The following SAFB2 variants were observed in gnomAD, a reference collection of about 807,000 sequenced individuals.
SAFB2 encodes the protein scaffold attachment factor B2.
In SAFB2, 32 loss-of-function variants were observed where a neutral mutation model predicts 100.6. That is an observed-to-expected ratio of 0.32 (90% confidence interval 0.24 to 0.43). The LOEUF (loss-of-function observed/expected upper bound fraction) is 0.43. Among genes scored for constraint, SAFB2 ranks in the 20% least tolerant of loss-of-function variants. The probability of loss-of-function intolerance (pLI) is 1.00; values close to 1 mark genes in which losing one functional copy is unlikely to be tolerated. For synonymous variants in SAFB2, 500 were observed against 439.4 expected, an observed-to-expected ratio of 1.14 and a Z score of -1.72; for missense variants, 1,185 against 1,163.4, an observed-to-expected ratio of 1.02 and a Z score of -0.27.
At position 5,587,101 on chromosome 19, in the gene SAFB2, A is replaced by G. The variant is rs1170322044; in HGVS notation, c.*142T>C. On this transcript the variant is annotated 3_prime_UTR_variant, in exon 21 of 21. Transcript: ENST00000252542. The surrounding 1 kb of genome is among the most constrained non-coding windows in gnomAD (Gnocchi z 4.9). The stretch of plus-strand genomic sequence containing the variant: ...AACACATTTATTTAAAAAAAAAAAA[A>G]AAGTGAGTTCACATTGTATTGAGCT... 1.2e-5 allele frequency: 14 copies of G among 1,123,736 alleles called. No homozygotes were observed. The Admixed American group carries it at 3.3e-4, about 27-fold the overall frequency. 69.6% of individuals were successfully genotyped at this position (1,123,736 alleles called of 1,614,324 possible).
chr19:5,614,636 C>CAA (rs1466931945), intron 4 of SAFB2, among the ~76,000 whole-genome samples: 1 of 152,190 alleles, frequency 6.6e-6, no homozygotes, highest in African/African-American at 2.4e-5. Context: ...CTGAAAGCTG[C>CAA]AATGCCTTAA....
intron 13 of SAFB2, among the ~76,000 whole-genome samples, chr19:5,596,796 G>A (rs996498724): frequency 6.6e-6 from 1 of 152,128 alleles, no homozygotes; most frequent in Non-Finnish European, 1.5e-5. Context: ...GCCTCCTGCT[G>A]ATCCACACAG....
chr19:5,605,293 T>TG (rs2052751550), intron 9 of SAFB2, among the ~76,000 whole-genome samples: 1 of 151,970 alleles, frequency 6.6e-6, no homozygotes, highest in Admixed American at 6.6e-5. Context: ...TTAGTAGAGA[T>TG]GGGGTTTCTC....
At chr19:5,600,475 G>A (rs2052632235) in intron 11 of SAFB2, among the ~76,000 whole-genome samples, 1 of 152,184 alleles carries the variant, frequency 6.6e-6, no homozygotes, top group Non-Finnish European at 1.5e-5. Context: ...GCTGAATTGA[G>A]GGATATGCAC....
At chr19:5,612,221 T>G (rs2052923339) in intron 6 of SAFB2, 1 of 418,022 alleles carries the variant, frequency 2.4e-6, no homozygotes, top group Non-Finnish European at 4.3e-6. Flanking sequence ...TGCAGCAAAA[T>G]ATCACAAGAT....
At chr19:5,602,905 A>ACCCCCCCCCCCCCCCCC (rs1157478969) in intron 11 of SAFB2, among the ~76,000 whole-genome samples, 1 of 140,056 alleles carries the variant, frequency 7.1e-6, no homozygotes, top group Non-Finnish European at 1.6e-5. Context: ...TAGAGGGCTC[A>ACCCCCCCCCCCCCCCCC]CCGCCCCCCC....
intron 9 of SAFB2, among the ~76,000 whole-genome samples, chr19:5,608,177 G>A (rs2052818143): frequency 6.6e-6 from 1 of 152,182 alleles, no homozygotes; most frequent in Non-Finnish European, 1.5e-5. Flanking sequence ...CCACAGGTAA[G>A]GCCAACTCTG....
chr19:5,587,798 C>T lies in SAFB2; in HGVS notation c.2639-31G>A, dbSNP rs201982406. On this transcript the variant is annotated intron_variant, in intron 19 of 20. Transcript: ENST00000252542. The surrounding 1 kb of genome is among the most constrained non-coding windows in gnomAD (Gnocchi z 4.9). ...AGAGAAGAAGGGTCTGCAAACACTC[C>T]GTTCCTGGGGAAGCCCCTGGACACA... The T allele has an allele frequency of 2.4e-5, 38 of 1,556,590 alleles. 1 individual carries two copies. Among genetic ancestry groups the T allele is most frequent in the South Asian group, 1.3e-4 (11 of 84,764 alleles).
chr19:5,600,287 T>G (rs1164503110), intron 11 of SAFB2, 27 bp from the exon 12 acceptor site: 5 of 1,609,562 alleles, frequency 3.1e-6, no homozygotes, highest in Non-Finnish European at 3.4e-6. Context: ...TTATCAAATT[T>G]GAGTTCACAA....
Position 5,602,479 on chromosome 19 carries a change from CAAAAAAA to C in SAFB2, c.1559+2097_1559+2103del, listed in dbSNP as rs35472223. ...TGGGTGACAGAGCGAGACTCTGTCTCAAAAAAAAAAAAAAAAAAAAAAAAAAATCTTA... is the reference window on the plus strand; with the variant it reads ...TGGGTGACAGAGCGAGACTCTGTCTCAAAAAAAAAAAAAAAAAAAATCTTA... On this transcript the variant is annotated intron_variant, in intron 11 of 20. Coordinates refer to ENST00000252542, the MANE Select transcript of SAFB2 (RefSeq NM_014649.3). Among the ~76,000 whole-genome samples, 97 of 39,526 alleles carry C rather than the reference CAAAAAAA, an allele frequency of 2.5e-3. 1 individual carries two copies. The highest frequency in any genetic ancestry group is 7.0e-3 in the African/African-American group (63 of 8,946). 25.9% of individuals were successfully genotyped at this position (39,526 alleles called of 152,430 possible). A position where few individuals can be genotyped will look rare whatever the true frequency, so the allele number is the denominator to read the frequency against.
In SAFB2 at chr19:5,587,174, T is replaced by C. The variant is rs1351856396; in HGVS notation, c.*69A>G. On this transcript the variant is annotated 3_prime_UTR_variant, in exon 21 of 21. Coordinates refer to ENST00000252542, the MANE Select transcript of SAFB2 (RefSeq NM_014649.3). The surrounding 1 kb of genome is among the most constrained non-coding windows in gnomAD (Gnocchi z 4.9). ...TTTGCTTTTAAAAAGATCCCCCAAG[T>C]TCGAGGGAACCCTGGCTACCAGATT... The C allele has an allele frequency of 1.3e-6, 2 of 1,579,686 alleles. No homozygotes were observed. The highest frequency in any genetic ancestry group is 2.7e-5 in the African/African-American group (2 of 73,988).
chr19:5,622,545 C>T lies in SAFB2; in HGVS notation c.171G>A (p.Met57Ile), dbSNP rs770294246. The change falls in exon 1 of 21, where the codon ATG becomes ATA. Residue 57 changes from methionine (M) to isoleucine (I), a missense_variant. This residue lies in a region of SAFB2 where 351 missense variants were observed against 341.2 expected (regional missense o/e 1.03). Transcript: ENST00000252542. ...LDTGGNKSVL[M>I]ERLKKAVKEE... ...GCCGCCTCACCTTCTTGAGCCGCTC[C>T]ATCAGGACGCTCTTGTTGCCGCCCG... is the stretch of plus-strand genomic sequence containing the variant. 7 of 1,612,888 alleles carry T rather than the reference C, an allele frequency of 4.3e-6. 1 individual carries two copies. The highest frequency in any genetic ancestry group is 5.9e-6 in the Non-Finnish European group (7 of 1,179,574).
chr19:5,594,523 C>A lies in SAFB2; in HGVS notation c.1920-345G>T, dbSNP rs374114595. ...CCGAATGTCAAGGCAGAGGGACAAG[C>A]CTCCTTCAAGACCACAGCCCAGAAG... On this transcript the variant is annotated intron_variant, in intron 14 of 20. Coordinates refer to ENST00000252542, the MANE Select transcript of SAFB2 (RefSeq NM_014649.3). Among the ~76,000 whole-genome samples, 55 of 152,276 alleles carry A rather than the reference C, an allele frequency of 3.6e-4. 1 individual carries two copies. In the South Asian group the frequency reaches 0.011, roughly 31 times the overall value.
intron 9 of SAFB2, among the ~76,000 whole-genome samples, chr19:5,609,321 T>TA (rs1555689377): frequency 3.6e-5 from 5 of 140,506 alleles, no homozygotes; most frequent in Non-Finnish European, 6.3e-5. Flanking sequence ...TTTTTTTTTT[T>TA]ATGACATAGT....
chr19:5,605,016 C>A, intron 9 of SAFB2, 80 bp from the exon 10 acceptor site: 2 of 1,510,738 alleles, frequency 1.3e-6, no homozygotes, highest in South Asian at 1.2e-5. Context: ...CAATCAGAAT[C>A]ATTTTCACTA....
chr19:5,622,748 C>A lies in SAFB2; in HGVS notation c.-33G>T. On this transcript the variant is annotated 5_prime_UTR_variant, in exon 1 of 21. Coordinates refer to ENST00000252542, the MANE Select transcript of SAFB2 (RefSeq NM_014649.3). ...TTCCCGTCTTCGCCACCGACTCAGT[C>A]GCACACCGCCGGCAGCTATAGCGGC... 1 of 1,572,038 alleles carries A rather than the reference C, an allele frequency of 6.4e-7. No individual in the cohort carries two copies. The highest frequency in any genetic ancestry group is 8.6e-7 in the Non-Finnish European group (1 of 1,163,994).
In SAFB2 at chr19:5,616,295, C is replaced by T; in HGVS notation, c.380G>A (p.Gly127Asp). Residue 127 changes from glycine (G) to aspartate (D), a missense_variant, in exon 4 of 21, where the codon GGC becomes GAC. Gly to Asp is a moderately conservative substitution (Grantham distance 94). Transcript: ENST00000252542. The stretch of plus-strand genomic sequence containing the variant: ...GTCTAGCACACTCATGTCCATCATG[C>T]CCATATTCTGCAGGTTCTCCAGACT... The part of the protein sequence containing the change: ...EASLENLQNM[G>D]MMDMSVLDET... 2 of 1,614,200 alleles carry T rather than the reference C, an allele frequency of 1.2e-6. No homozygotes were observed. The highest frequency in any genetic ancestry group is 1.7e-6 in the Non-Finnish European group (2 of 1,180,036).
chr19:5,613,032 C>A (rs1340193634), intron 5 of SAFB2, among the ~76,000 whole-genome samples: 1 of 152,268 alleles, frequency 6.6e-6, no homozygotes, highest in African/African-American at 2.4e-5. Context: ...TAGGTCCAAT[C>A]CTTCTGGTGG....
In SAFB2 at chr19:5,595,517, T is replaced by C. The variant is rs775072070; in HGVS notation, c.1783-20A>G. On this transcript the variant is annotated intron_variant, in intron 13 of 20. Coordinates refer to ENST00000252542, the MANE Select transcript of SAFB2 (RefSeq NM_014649.3). ...GGAGCTCTGTTTACCAAAACTGGTT[T>C]ATTAATGTCAGGAAAATGATTGCAA... The C allele has an allele frequency of 1.2e-6, 2 of 1,611,624 alleles. No individual in the cohort carries two copies. The highest frequency in any genetic ancestry group is 2.2e-5 in the South Asian group (2 of 91,014).
Sources: gnomAD v4.1 joint callset for allele counts (sites outside exome capture counted in the v4.1 genomes callset) on GRCh38, gnomAD v4.1.1 for gene constraint, gnomAD v4.1.1 regional missense constraint, Gnocchi (gnomAD v3.1) non-coding constraint, MANE v1.5 for transcripts, NCBI Gene and HGNC (gene_info 2026-07-23, HGNC 2026-07-21) for gene names.